The following HERC3 variants were observed in gnomAD, a reference collection of about 807,000 sequenced individuals.
The protein encoded by HERC3 is probable E3 ubiquitin-protein ligase HERC3.
HERC3 carries 58 observed loss-of-function variants against 129.9 expected under a neutral mutation model. The ratio of observed to expected loss-of-function variants is 0.45; its 90% CI spans 0.36 to 0.56. The LOEUF (loss-of-function observed/expected upper bound fraction) is 0.56. Ranked by LOEUF, HERC3 falls within the 20% of genes least tolerant of loss-of-function variation. HERC3 has a pLI of 0.00. For missense variants in HERC3, 835 were observed against 1,244.2 expected (o/e 0.67, Z 4.95); for synonymous variants, 430 against 451.0 (o/e 0.95, Z 0.59).
chr4:88,558,686 A>G, the HERC3 span, among the ~76,000 whole-genome samples: 1 of 152,112 alleles, frequency 6.6e-6, no homozygotes, highest in Non-Finnish European at 1.5e-5. Context: ...TTGAGAGGCC[A>G]GGCGCGGTGG....
At chr4:88,627,825 A>G (rs1468007940) in intron 3 of HERC3, among the ~76,000 whole-genome samples, 2 of 150,286 alleles carry the variant, frequency 1.3e-5, no homozygotes, top group African/African-American at 4.9e-5. Flanking sequence ...AATCGCTTGA[A>G]CCTGGGAGGC....
intron 19 of HERC3, among the ~76,000 whole-genome samples, chr4:88,679,494 T>C (rs554234523): frequency 1.3e-5 from 2 of 152,094 alleles, no homozygotes; most frequent in East Asian, 3.9e-4. Flanking sequence ...TTTATGTTTG[T>C]CTTTCTGCGC....
chr4:88,652,150 T>C, intron 5 of HERC3, 62 bp downstream of exon 5: 1 of 1,246,236 alleles, frequency 8.0e-7, no homozygotes, highest in Non-Finnish European at 1.2e-6. Context: ...CTCTTTGTCT[T>C]TTTGTGTGAT....
chr4:88,564,905 G>GT, the HERC3 span, among the ~76,000 whole-genome samples: 45 of 151,836 alleles, frequency 3.0e-4, no homozygotes, highest in Admixed American at 2.4e-3. Flanking sequence ...TACCCCATAG[G>GT]TTTTTTTATG....
intron 21 of HERC3, 137 bp downstream of exon 21, chr4:88,681,462 C>G: frequency 1.4e-6 from 1 of 713,354 alleles, no homozygotes; most frequent in South Asian, 1.9e-5. Flanking sequence ...TGTGTTTTGT[C>G]TAAGATGTAG....
chr4:88,698,640 C>T (rs1215372391), intron 23 of HERC3, among the ~76,000 whole-genome samples: 1 of 152,058 alleles, frequency 6.6e-6, no homozygotes, highest in Admixed American at 6.5e-5. Flanking sequence ...CATGTGCCAT[C>T]TATCCCACCC....
At chr4:88,579,511 T>A in the HERC3 span, among the ~76,000 whole-genome samples, 247 of 152,232 alleles carry the variant, frequency 1.6e-3, 1 homozygote, top group African/African-American at 5.7e-3. Context: ...GATGAAGAAC[T>A]AAGTTTTAAT....
intron 3 of HERC3, among the ~76,000 whole-genome samples, chr4:88,635,677 A>G (rs1331343722): frequency 1.3e-5 from 2 of 152,178 alleles, no homozygotes; most frequent in African/African-American, 4.8e-5. Context: ...CTATGAGAAG[A>G]TCAACTCTAA....
At chr4:88,606,661 C>T (rs987889142) in intron 3 of HERC3, among the ~76,000 whole-genome samples, 15 of 152,166 alleles carry the variant, frequency 9.9e-5, no homozygotes, top group Middle Eastern at 3.4e-3. Flanking sequence ...TTTCACATGG[C>T]GGCAGACAAG....
intron 16 of HERC3, among the ~76,000 whole-genome samples, chr4:88,674,300 G>A (rs1211407572): frequency 6.6e-6 from 1 of 152,138 alleles, no homozygotes; most frequent in East Asian, 1.9e-4. Context: ...AAGGAATACA[G>A]ACAAAACTGC....
chr4:88,552,032 G>A, the HERC3 span, among the ~76,000 whole-genome samples: 2 of 151,180 alleles, frequency 1.3e-5, no homozygotes, highest in East Asian at 3.9e-4. Context: ...ACTATCGCAA[G>A]GACAAAAAAC....
the HERC3 span, among the ~76,000 whole-genome samples, chr4:88,547,339 A>T: frequency 6.6e-6 from 1 of 152,238 alleles, no homozygotes; most frequent in African/African-American, 2.4e-5. Context: ...ATTTGTTTAA[A>T]TAACAGCTTT....
chr4:88,665,527 G>A (rs1344397910), intron 12 of HERC3, among the ~76,000 whole-genome samples: 1 of 152,192 alleles, frequency 6.6e-6, no homozygotes, highest in African/African-American at 2.4e-5. Context: ...ACTGGGCGGT[G>A]CCTACCCACA....
rs1474248796 is a variant in HERC3 at position 88,707,596 on chromosome 4, T to G, written c.*636T>G. On this transcript the variant is annotated 3_prime_UTR_variant, in exon 26 of 26. Coordinates refer to ENST00000402738, the MANE Select transcript of HERC3 (RefSeq NM_014606.3). The stretch of plus-strand genomic sequence containing the variant: ...TAAACATATCTTGCTTTTAAAAAGT[T>G]CTTGAGGGAATAGCAACTTTCCCAT... 1 of 152,268 alleles carries G rather than the reference T, an allele frequency of 6.6e-6. No individual in the cohort carries two copies. The highest frequency in any genetic ancestry group is 1.5e-5 in the Non-Finnish European group (1 of 68,116). The allele number at this position is 152,268 out of a possible 1,614,324, so 9.4% of individuals were successfully genotyped here.
the HERC3 span, among the ~76,000 whole-genome samples, chr4:88,579,232 AAT>A: frequency 3.0e-4 from 31 of 104,062 alleles, 1 homozygote; most frequent in South Asian, 1.9e-3. Flanking sequence ...AAAAAAAAAA[AAT>A]ATATATATAT....
In HERC3 at chr4:88,656,012, G is replaced by C. The variant is rs755625380; in HGVS notation, c.1046G>C (p.Ser349Thr). ...SPVKGYWAAHSGQLSARADRF... is the reference protein window; with the variant it reads ...SPVKGYWAAHTGQLSARADRF... ...GTCAAGGGTTACTGGGCTGCCCACA[G>C]TGGCCAGCTTTCAGCCCGAGCTGGT... Residue 349 changes from serine (S) to threonine (T), a missense_variant, in exon 9 of 26, where the codon AGT (serine) becomes ACT (threonine). By Grantham distance (58) the Ser-to-Thr change is moderately conservative. Coordinates refer to ENST00000402738, the MANE Select transcript of HERC3 (RefSeq NM_014606.3). 1.2e-6 allele frequency: 2 copies of C among 1,614,016 alleles called. No homozygotes were observed. The highest frequency in any genetic ancestry group is 8.5e-7 in the Non-Finnish European group (1 of 1,179,980).
intron 6 of HERC3, among the ~76,000 whole-genome samples, chr4:88,653,759 A>T (rs1729544517): frequency 6.6e-6 from 1 of 152,186 alleles, no homozygotes; most frequent in Admixed American, 6.5e-5. Flanking sequence ...GTTTGAAATA[A>T]AGGAACAGCT....
chr4:88,700,193 G>C (rs148840771), intron 23 of HERC3, among the ~76,000 whole-genome samples: 23 of 151,692 alleles, frequency 1.5e-4, no homozygotes, highest in African/African-American at 5.3e-4. Context: ...TTATTATTGG[G>C]TAGTATTCCC....
In HERC3 at chr4:88,606,058, A is replaced by C; in HGVS notation, c.226+9A>C. On this transcript the variant is annotated intron_variant, in intron 3 of 25. Coordinates refer to ENST00000402738, the MANE Select transcript of HERC3 (RefSeq NM_014606.3). ...GGAAGGAAACAAGCCAGGTAAGTGC[A>C]CCTTATCTGTCTTGATTATTGGTGA... The C allele has an allele frequency of 6.2e-7, 1 of 1,601,688 alleles. No individual in the cohort carries two copies. The highest frequency in any genetic ancestry group is 8.5e-7 in the Non-Finnish European group (1 of 1,169,762).
Sources: allele counts gnomAD v4.1 joint callset (sites outside exome capture counted in the v4.1 genomes callset), GRCh38; gene constraint gnomAD v4.1.1; transcripts MANE v1.5; gene names NCBI Gene and HGNC (gene_info 2026-07-23, HGNC 2026-07-21).